Variants in TXLNG observed in about 807,000 individuals in gnomAD.
The protein encoded by TXLNG is gamma-taxilin.
A neutral mutation model predicts 38.8 loss-of-function variants in TXLNG; 5 were observed. The observed-to-expected ratio is 0.13, with a 90% CI of 0.07 to 0.27. The LOEUF (loss-of-function observed/expected upper bound fraction) is 0.27, where lower values mean the gene tolerates loss of function less well. TXLNG is among the 10% of genes least tolerant of loss of function. The probability of loss-of-function intolerance (pLI) is 1.00; values close to 1 mark genes in which losing one functional copy is unlikely to be tolerated. For synonymous variants in TXLNG, 182 were observed against 158.2 expected (o/e 1.15, Z -1.13); for missense variants, 393 against 398.2 (o/e 0.99, Z 0.11).
chrX:16,797,803 C>A (rs1222566752), intron 1 of TXLNG, among the ~76,000 whole-genome samples: 1 of 112,401 alleles, frequency 8.9e-6, no homozygotes, highest in East Asian at 2.8e-4. Context: ...CCATTGGGGG[C>A]CATGGCAGAA....
intron 1 of TXLNG, among the ~76,000 whole-genome samples, chrX:16,806,776 A>G (rs1928341788): frequency 2.7e-5 from 3 of 109,307 alleles, no homozygotes; most frequent in Admixed American, 9.8e-5. Flanking sequence ...AATTAGCTGG[A>G]TGTGGTGGTG....
At chrX:16,836,630 G>A (rs1260022407) in intron 7 of TXLNG, among the ~76,000 whole-genome samples, 2 of 112,416 alleles carry the variant, frequency 1.8e-5, no homozygotes, top group South Asian at 3.7e-4. Context: ...GGCTGGGCGG[G>A]CACCATCATA....
At chrX:16,792,863 G>A (rs372975612) in intron 1 of TXLNG, among the ~76,000 whole-genome samples, 7 of 110,393 alleles carry the variant, frequency 6.3e-5, no homozygotes, top group African/African-American at 1.6e-4. Flanking sequence ...TTGGAAGGCC[G>A]AGGCAGGTGG....
At chrX:16,796,502 A>G (rs1339059313) in intron 1 of TXLNG, among the ~76,000 whole-genome samples, 1 of 111,870 alleles carries the variant, frequency 8.9e-6, no homozygotes. Context: ...TAAATGAGGA[A>G]GTAGTCTATT....
chrX:16,826,186 G>A (rs1383252656), intron 3 of TXLNG, among the ~76,000 whole-genome samples: 2 of 111,990 alleles, frequency 1.8e-5, no homozygotes. Context: ...TGAAATTACA[G>A]CTAGTATGTG....
At chrX:16,813,100 C>T (rs957105763) in intron 1 of TXLNG, among the ~76,000 whole-genome samples, 6 of 110,809 alleles carry the variant, frequency 5.4e-5, no homozygotes, top group African/African-American at 9.9e-5. Context: ...TACAGTCCAA[C>T]GATAAAATAA....
chrX:16,821,245 A>G (rs1020936831), intron 3 of TXLNG, among the ~76,000 whole-genome samples: 1 of 98,024 alleles, frequency 1.0e-5, no homozygotes, highest in African/African-American at 3.9e-5. Flanking sequence ...GGTTCAAGCT[A>G]TTCTCCTGCC....
intron 5 of TXLNG, among the ~76,000 whole-genome samples, chrX:16,832,065 C>T (rs1929432070): frequency 8.9e-6 from 1 of 112,432 alleles, no homozygotes; most frequent in Admixed American, 9.4e-5. Context: ...ACTGTTACAG[C>T]TCTGCAAGGT....
At position 16,839,825 on chromosome X, in the gene TXLNG, C is replaced by T; in HGVS notation, c.1157C>T (p.Thr386Ile). The part of the protein sequence containing the change: ...TTFRQEMEKM[T>I]KKIKKLEKET... ...AATGTGCAATTGTATTCACAGATGACAAAGAAAATTAAAAAACTGGAAAAA... is the reference window on the plus strand; with the variant it reads ...AATGTGCAATTGTATTCACAGATGATAAAGAAAATTAAAAAACTGGAAAAA... Residue 386 changes from threonine (T) to isoleucine (I), a missense_variant, in exon 9 of 10, where the codon ACA (threonine) becomes ATA (isoleucine). Coordinates refer to ENST00000380122, the MANE Select transcript of TXLNG (RefSeq NM_018360.3). 4.2e-6 allele frequency: 5 copies of T among 1,180,852 alleles called. No homozygotes were observed. The highest frequency in any genetic ancestry group is 5.7e-6 in the Non-Finnish European group (5 of 873,869).
chrX:16,792,731 C>T (rs1026147980), intron 1 of TXLNG, among the ~76,000 whole-genome samples: 3 of 108,944 alleles, frequency 2.8e-5, no homozygotes, highest in Non-Finnish European at 5.7e-5. Flanking sequence ...CAGTGAGCCA[C>T]GATTGGGCCA....
chrX:16,796,859 C>A (rs1927907497), intron 1 of TXLNG, among the ~76,000 whole-genome samples: 2 of 111,408 alleles, frequency 1.8e-5, no homozygotes, highest in South Asian at 7.6e-4. Flanking sequence ...TCTCAAACTT[C>A]GGTTTGAGGA....
At chrX:16,817,858 G>A (rs943747220) in intron 1 of TXLNG, among the ~76,000 whole-genome samples, 3 of 112,139 alleles carry the variant, frequency 2.7e-5, no homozygotes, top group African/African-American at 9.7e-5. Flanking sequence ...TCCAGTGTAG[G>A]TTTTCTTTGT....
At chrX:16,824,051 C>T (rs1265979836) in intron 3 of TXLNG, among the ~76,000 whole-genome samples, 1 of 111,818 alleles carries the variant, frequency 8.9e-6, no homozygotes, top group Non-Finnish European at 1.9e-5. Flanking sequence ...AATTGCCATC[C>T]TCATGATATT....
At chrX:16,831,877 T>C (rs1261411174) in intron 5 of TXLNG, among the ~76,000 whole-genome samples, 1 of 112,084 alleles carries the variant, frequency 8.9e-6, no homozygotes, top group Non-Finnish European at 1.9e-5. Context: ...TCCCCTCTCA[T>C]GTAGGGTATT....
At position 16,843,384 on chromosome X, in the gene TXLNG, A is replaced by C. The variant is rs1929940328; in HGVS notation, c.*1618A>C. On this transcript the variant is annotated 3_prime_UTR_variant, in exon 10 of 10. Transcript: ENST00000380122. ...TAAGCCTCCACTATCAGTCATGTTA[A>C]TTCAAGGGGCCACAGTGGAGGAAAA... is the stretch of plus-strand genomic sequence containing the variant. The C allele has an allele frequency of 9.0e-6, 1 of 111,649 alleles. No individual in the cohort carries two copies. The highest frequency in any genetic ancestry group is 1.9e-5 in the Non-Finnish European group (1 of 53,152). 9.2% of individuals were successfully genotyped at this position (111,649 alleles called of 1,213,427 possible). A position where few individuals can be genotyped will look rare whatever the true frequency, so the allele number is the denominator to read the frequency against.
chrX:16,844,481 A>T lies in TXLNG; in HGVS notation c.*2715A>T, dbSNP rs1930014576. ...ATGTGAATCTGATTTTATCTACTTGATTCTGTATAGATTAAGTAAATATGT... is the reference window on the plus strand; with the variant it reads ...ATGTGAATCTGATTTTATCTACTTGTTTCTGTATAGATTAAGTAAATATGT... On this transcript the variant is annotated 3_prime_UTR_variant, in exon 10 of 10. Transcript: ENST00000380122. The T allele has an allele frequency of 9.0e-6, 1 of 111,367 alleles. No homozygotes were observed. Among genetic ancestry groups the T allele is most frequent in the Non-Finnish European group, 1.9e-5 (1 of 53,129 alleles). The allele number at this position is 111,367 out of a possible 1,213,427, so 9.2% of individuals were successfully genotyped here.
chrX:16,786,617 G>T, intron 1 of TXLNG, 28 bp downstream of exon 1: 1 of 1,000,088 alleles, frequency 1.0e-6, no homozygotes, highest in South Asian at 2.7e-5. Context: ...CCTCGTTGTT[G>T]TCGGGCCCGG....
intron 4 of TXLNG, among the ~76,000 whole-genome samples, chrX:16,828,873 GCCCTTTATGCCCCAATAAACT>G (rs1929271600): frequency 9.0e-6 from 1 of 111,478 alleles, no homozygotes; most frequent in Non-Finnish European, 1.9e-5. Context: ...CTCCCTTTAT[GCCCTTTATGCCCCAATAAACT>G]CCCTTTATGC....
intron 3 of TXLNG, among the ~76,000 whole-genome samples, chrX:16,822,144 C>T (rs976397045): frequency 8.2e-5 from 9 of 109,691 alleles, no homozygotes; most frequent in Non-Finnish European, 1.5e-4. Flanking sequence ...CAAGACCATC[C>T]TGGCTAACAC....
Sources: allele counts gnomAD v4.1 joint callset (sites outside exome capture counted in the v4.1 genomes callset), GRCh38; gene constraint gnomAD v4.1.1; transcripts MANE v1.5; gene names NCBI Gene and HGNC (gene_info 2026-07-23, HGNC 2026-07-21).